EXT1: variants seen among roughly 807,000 people sequenced by gnomAD.
EXT1 encodes exostosin glycosyltransferase 1, also known as exostosin-1.
In EXT1, 20 loss-of-function variants were observed where a neutral mutation model predicts 82.5. That is an observed-to-expected ratio of 0.24 (90% CI 0.17 to 0.35). The LOEUF is 0.35. Among genes scored for constraint, EXT1 ranks in the 10% least tolerant of loss-of-function variants. EXT1 has a pLI of 1.00. For missense variants in EXT1, 757 were observed against 936.5 expected (o/e 0.81, Z 2.50); for synonymous variants, 348 against 350.8 (o/e 0.99, Z 0.09).
Position 118,002,412 on chromosome 8 carries a change from G to A in EXT1, c.962+107673C>T, listed in dbSNP as rs962947569. Among the ~76,000 whole-genome samples, 7 of 143,358 alleles carry A rather than the reference G, an allele frequency of 4.9e-5. No individual in the cohort carries two copies. In the South Asian group the frequency reaches 1.5e-3, roughly 31 times the overall value. The allele number at this position is 143,358 out of a possible 152,430, so 94.0% of individuals were successfully genotyped here. On this transcript the variant is annotated intron_variant, in intron 1 of 10. Coordinates refer to ENST00000378204, the MANE Select transcript of EXT1 (RefSeq NM_000127.3). The stretch of plus-strand genomic sequence containing the variant: ...AAAAAAAAAAAAAAAAGGCTTGCCT[G>A]TTTCCTGATGTCTCTTTAATTTCCA...
intron 1 of EXT1, among the ~76,000 whole-genome samples, chr8:118,058,753 A>T (rs1322392946): frequency 6.6e-6 from 1 of 152,212 alleles, no homozygotes; most frequent in Non-Finnish European, 1.5e-5. Flanking sequence ...ATATGGATGG[A>T]TATGATAGGT....
In EXT1 at chr8:117,799,567, C is replaced by CTT; in HGVS notation, c.*143_*144dup. 38 of 788,448 alleles carry CTT rather than the reference C, an allele frequency of 4.8e-5. No individual in the cohort carries two copies. Among genetic ancestry groups the CTT allele is most frequent in the Non-Finnish European group, 5.9e-5 (30 of 507,648 alleles). The allele number at this position is 788,448 out of a possible 1,614,324, so 48.8% of individuals were successfully genotyped here. A position where few individuals can be genotyped will look rare whatever the true frequency, so the allele number is the denominator to read the frequency against. On this transcript the variant is annotated 3_prime_UTR_variant, in exon 11 of 11. Transcript: ENST00000378204. ...AGCCAGGAGTTGAGTTCTCATTGGC[C>CTT]TTTTTTTTTTTGTCATTCTGCTCAT...
chr8:117,836,272 T>C (rs1419307616), intron 2 of EXT1, among the ~76,000 whole-genome samples: 1 of 152,204 alleles, frequency 6.6e-6, no homozygotes, highest in Non-Finnish European at 1.5e-5. Flanking sequence ...ACATTAGTGA[T>C]GGCATGCTAT....
At chr8:117,955,528 C>A (rs1586307450) in intron 1 of EXT1, among the ~76,000 whole-genome samples, 1 of 152,056 alleles carries the variant, frequency 6.6e-6, no homozygotes, top group East Asian at 1.9e-4. Flanking sequence ...CAGGAAATTA[C>A]AAGGGTTTTA....
chr8:117,940,994 G>C (rs971870635), intron 1 of EXT1, among the ~76,000 whole-genome samples: 1 of 152,152 alleles, frequency 6.6e-6, no homozygotes, highest in South Asian at 2.1e-4. Context: ...TTCCCCAGGG[G>C]TTAAGGCGGA....
chr8:118,043,559 C>T (rs17505513), intron 1 of EXT1, among the ~76,000 whole-genome samples: 3,599 of 152,260 alleles, frequency 0.024, 131 homozygotes, highest in African/African-American at 0.077. Flanking sequence ...TATATGCTGC[C>T]TTAGCATCAT....
chr8:118,040,911 G>A (rs923811099), intron 1 of EXT1, among the ~76,000 whole-genome samples: 3 of 152,154 alleles, frequency 2.0e-5, no homozygotes, highest in African/African-American at 4.8e-5. Flanking sequence ...AAGAGACAAG[G>A]TTCATGCCTG....
intron 1 of EXT1, among the ~76,000 whole-genome samples, chr8:118,041,652 GAA>G (rs752126538): frequency 7.7e-6 from 1 of 129,240 alleles, no homozygotes. Flanking sequence ...GAAAAAGAAA[GAA>G]AGAGAGAGAA....
rs1464934020 is a variant in EXT1 at position 118,110,228 on chromosome 8, T to C, written c.819A>G (p.Thr273=). Residue 273 remains threonine (T), a synonymous_variant, in exon 1 of 11, where the codon ACA becomes ACG. Coordinates refer to ENST00000378204, the MANE Select transcript of EXT1 (RefSeq NM_000127.3). ...MLVFKGKRYL[T]GIGSDTRNAL... ...CATTCCTGGTGTCTGATCCTATCCC[T>C]GTCAGGTACCTCTTCCCCTTGAATA... is the stretch of plus-strand genomic sequence containing the variant. 2.5e-6 allele frequency: 4 copies of C among 1,614,096 alleles called. No homozygotes were observed. Among genetic ancestry groups the C allele is most frequent in the African/African-American group, 2.7e-5 (2 of 74,936 alleles).
intron 1 of EXT1, among the ~76,000 whole-genome samples, chr8:117,999,051 T>C (rs1563625096): frequency 6.6e-6 from 1 of 152,162 alleles, no homozygotes; most frequent in Non-Finnish European, 1.5e-5. Context: ...AATTCCGGAA[T>C]GAGAGGCTGG....
At chr8:118,083,993 C>G (rs770838811) in intron 1 of EXT1, among the ~76,000 whole-genome samples, 3 of 152,144 alleles carry the variant, frequency 2.0e-5, no homozygotes, top group Non-Finnish European at 4.4e-5. Context: ...CATGCCACTG[C>G]ACACCAGCCT....
chr8:117,928,361 A>G (rs1455925611), intron 1 of EXT1, among the ~76,000 whole-genome samples: 1 of 152,202 alleles, frequency 6.6e-6, no homozygotes, highest in African/African-American at 2.4e-5. Flanking sequence ...CTGGCATGTA[A>G]CAAATATTTG....
At chr8:117,897,591 C>CTTTTTTTTTTTTTTTTTTTTT (rs34963536) in intron 1 of EXT1, among the ~76,000 whole-genome samples, 27 of 90,656 alleles carry the variant, frequency 3.0e-4, no homozygotes, top group African/African-American at 1.1e-3. Flanking sequence ...CTTCTTTTCT[C>CTTTTTTTTTTTTTTTTTTTTT]TTTTTTTTTT....
intron 1 of EXT1, among the ~76,000 whole-genome samples, chr8:117,917,109 G>C (rs1428983067): frequency 6.6e-6 from 1 of 152,154 alleles, no homozygotes. Context: ...TGAGAAAAAG[G>C]ATTTTCATAA....
At chr8:117,847,822 T>A (rs1444733692) in intron 1 of EXT1, among the ~76,000 whole-genome samples, 3 of 152,230 alleles carry the variant, frequency 2.0e-5, no homozygotes, top group African/African-American at 7.2e-5. Flanking sequence ...GTCTGTCCCG[T>A]GACCTGCATT....
chr8:118,091,787 C>CTG (rs1429527902), intron 1 of EXT1, among the ~76,000 whole-genome samples: 2 of 151,770 alleles, frequency 1.3e-5, no homozygotes, highest in Non-Finnish European at 2.9e-5. Flanking sequence ...CCCTCTCTCT[C>CTG]TCTATATATA....
At chr8:118,048,147 G>T (rs1025336437) in intron 1 of EXT1, among the ~76,000 whole-genome samples, 4 of 152,100 alleles carry the variant, frequency 2.6e-5, no homozygotes, top group Non-Finnish European at 5.9e-5. Flanking sequence ...TCAATGCATT[G>T]TTCAGATGAA....
intron 1 of EXT1, among the ~76,000 whole-genome samples, chr8:118,090,303 GC>G (rs919216001): frequency 6.6e-6 from 1 of 152,108 alleles, no homozygotes; most frequent in African/African-American, 2.4e-5. Flanking sequence ...CACACGTCCT[GC>G]TGGCACTCCA....
At chr8:117,959,057 C>CA (rs1491470748) in intron 1 of EXT1, among the ~76,000 whole-genome samples, 1 of 152,138 alleles carries the variant, frequency 6.6e-6, no homozygotes, top group Admixed American at 6.5e-5. Context: ...CTTGTTTGAA[C>CA]TCCTAGGAGG....
Sources: allele counts gnomAD v4.1 joint callset (sites outside exome capture counted in the v4.1 genomes callset), GRCh38; gene constraint gnomAD v4.1.1; transcripts MANE v1.5; gene names NCBI Gene and HGNC (gene_info 2026-07-23, HGNC 2026-07-21).